SYNE2: variants seen among roughly 807,000 people sequenced by gnomAD.
SYNE2 encodes spectrin repeat containing nuclear envelope protein 2, also known as nesprin-2.
Under a neutral mutation model 856.3 loss-of-function variants are expected in SYNE2, and 431 were observed. The observed-to-expected ratio is 0.50, with a 90% CI of 0.47 to 0.55. The LOEUF is 0.55. SYNE2 is among the 20% of genes least tolerant of loss of function. The probability of loss-of-function intolerance (pLI) is 0.00; values close to 1 mark genes in which losing one functional copy is unlikely to be tolerated. For missense variants in SYNE2, 8,129 were observed against 8,023.2 expected, an observed-to-expected ratio of 1.01 and a Z score of -0.50; for synonymous variants, 2,923 against 2,872.3, an observed-to-expected ratio of 1.02 and a Z score of -0.56.
rs752939734 is a variant in SYNE2, at chr14:64,052,107, A to G, written c.8194A>G (p.Ile2732Val). The change falls in exon 48 of 116, where the codon ATA (isoleucine) becomes GTA (valine). Residue 2732 changes from isoleucine (I) to valine (V), a missense_variant. Physicochemically the swap from Ile to Val is conservative, Grantham distance 29. Coordinates refer to ENST00000555002, the MANE Select transcript of SYNE2 (RefSeq NM_182914.3). ...EAENQIKKCD[I>V]RNKMKETILW... is the part of the protein sequence containing the mutation. ...AGAAAATCAGATTAAGAAGTGTGAC[A>G]TAAGGAACAAGATGAAAGAGACTAT... 14 of 1,614,226 alleles carry G rather than the reference A, an allele frequency of 8.7e-6. No individual in the cohort carries two copies. Among genetic ancestry groups the G allele is most frequent in the East Asian group, 4.5e-5 (2 of 44,890 alleles).
At chr14:64,180,192 G>GT (rs1231971988) in intron 96 of SYNE2, among the ~76,000 whole-genome samples, 1 of 152,162 alleles carries the variant, frequency 6.6e-6, no homozygotes, top group Admixed American at 6.5e-5. Flanking sequence ...CCACTGGTCT[G>GT]TGTATGTCAG....
At chr14:63,950,992 G>C (rs79176689) in intron 7 of SYNE2, among the ~76,000 whole-genome samples, 3,015 of 151,698 alleles carry the variant, frequency 0.02, 113 homozygotes, top group African/African-American at 0.07. Flanking sequence ...GATAATGAAG[G>C]AAAGTTAGTG....
chr14:64,122,333 C>T lies in SYNE2; in HGVS notation c.13328C>T (p.Ser4443Leu), dbSNP rs893273796. 6.2e-7 allele frequency: 1 copy of T among 1,614,198 alleles called. No homozygotes were observed. The highest frequency in any genetic ancestry group is 1.7e-5 in the Admixed American group (1 of 60,024). The change falls in exon 70 of 116, where the codon TCA becomes TTA. Residue 4443 changes from serine (S) to leucine (L), a missense_variant. Coordinates refer to ENST00000555002, the MANE Select transcript of SYNE2 (RefSeq NM_182914.3). ...PENDVPDSIL[S>L]PQGQNGDKWQ... is the part of the protein sequence containing the mutation. ...AATGACGTTCCAGACTCGATCTTGT[C>T]ACCCCAGGGCCAAAATGGAGATAAG...
chr14:63,845,379 G>C (rs1890194174), intron 1 of SYNE2, among the ~76,000 whole-genome samples: 1 of 150,528 alleles, frequency 6.6e-6, no homozygotes, highest in Non-Finnish European at 1.5e-5. Flanking sequence ...TCATGCCATT[G>C]CACTCCAGCC....
At chr14:63,890,906 C>T (rs906340054) in intron 1 of SYNE2, among the ~76,000 whole-genome samples, 2 of 152,186 alleles carry the variant, frequency 1.3e-5, no homozygotes, top group African/African-American at 4.8e-5. Context: ...GTTCCTGTCT[C>T]TAGAAAGCAT....
At chr14:64,019,786 A>C (rs1171375297) in intron 34 of SYNE2, among the ~76,000 whole-genome samples, 2 of 152,192 alleles carry the variant, frequency 1.3e-5, no homozygotes, top group African/African-American at 4.8e-5. Flanking sequence ...CTCTTGTCTT[A>C]TACCTAGAAA....
In SYNE2 at chr14:63,942,035, A is replaced by T. The variant is rs748702795; in HGVS notation, c.316-16A>T. On this transcript the variant is annotated splice_polypyrimidine_tract_variant and intron_variant, in intron 5 of 115. Transcript: ENST00000555002. The stretch of plus-strand genomic sequence containing the variant: ...GGGATATTTCCTCCTTTTAACCTGC[A>T]CTTTTTGTTTTCCAGATTAAGCTAA... 1 of 1,600,988 alleles carries T rather than the reference A, an allele frequency of 6.2e-7. No individual in the cohort carries two copies. The highest frequency in any genetic ancestry group is 8.6e-7 in the Non-Finnish European group (1 of 1,168,922).
chr14:64,188,711 A>G lies in SYNE2; in HGVS notation c.17871+3A>G. ...AAATGATTGAAAAGTTACAGAAGGTAAGGGAGGACACCCAGGTGGATGTAG... is the reference window on the plus strand; with the variant it reads ...AAATGATTGAAAAGTTACAGAAGGTGAGGGAGGACACCCAGGTGGATGTAG... On this transcript the variant is annotated splice_donor_region_variant and intron_variant, in intron 98 of 115. Coordinates refer to ENST00000555002, the MANE Select transcript of SYNE2 (RefSeq NM_182914.3). 1 of 1,614,116 alleles carries G rather than the reference A, an allele frequency of 6.2e-7. No individual in the cohort carries two copies. Among genetic ancestry groups the G allele is most frequent in the Non-Finnish European group, 8.5e-7 (1 of 1,179,994 alleles).
intron 6 of SYNE2, among the ~76,000 whole-genome samples, chr14:63,947,821 GAGTGAAACTCTGTCTAAAAAAA>G (rs2096059916): frequency 6.6e-6 from 1 of 151,750 alleles, no homozygotes; most frequent in South Asian, 2.1e-4. Flanking sequence ...GGGGCAACAA[GAGTGAAACTCTGTCTAAAAAAA>G]AAAGAAAGAA....
rs113782290 is a variant in SYNE2 at position 64,094,178 on chromosome 14, A to G, written c.12108+698A>G. Among the ~76,000 whole-genome samples, 1,081 of 151,694 alleles carry G rather than the reference A, an allele frequency of 7.1e-3. 14 individuals carry two copies. Among genetic ancestry groups the G allele is most frequent in the African/African-American group, 0.021 (873 of 41,396 alleles). On this transcript the variant is annotated intron_variant, in intron 61 of 115. Transcript: ENST00000555002. Reference sequence around the variant, plus strand: ...AAACCCTGTCTCTACTAAAAATACAAAAAAAATTAGCTGGGTGTGTTGGTG... The same window carrying G: ...AAACCCTGTCTCTACTAAAAATACAGAAAAAATTAGCTGGGTGTGTTGGTG...
intron 18 of SYNE2, among the ~76,000 whole-genome samples, chr14:63,985,395 A>G (rs1267170148): frequency 1.3e-5 from 2 of 152,002 alleles, no homozygotes; most frequent in East Asian, 1.9e-4. Flanking sequence ...TAATTTGTCA[A>G]TATATAGTTT....
At chr14:63,803,259 C>G (rs1022870323) in intron 1 of SYNE2, among the ~76,000 whole-genome samples, 2 of 152,248 alleles carry the variant, frequency 1.3e-5, no homozygotes, top group African/African-American at 2.4e-5. Flanking sequence ...CAGCGCGGTG[C>G]GCTCGCACTC....
At chr14:64,068,577 T>G (rs565582667) in intron 51 of SYNE2, among the ~76,000 whole-genome samples, 231 of 152,156 alleles carry the variant, frequency 1.5e-3, no homozygotes, top group African/African-American at 5.2e-3. Flanking sequence ...TAATAAAAAT[T>G]GTGGCCAGGA....
intron 1 of SYNE2, among the ~76,000 whole-genome samples, chr14:63,821,093 A>G (rs1036242599): frequency 6.6e-6 from 1 of 152,030 alleles, no homozygotes. Flanking sequence ...GATTGTACTG[A>G]TGTGGTTTCA....
chr14:64,038,561 C>T (rs1331851789), intron 45 of SYNE2, among the ~76,000 whole-genome samples: 10 of 152,214 alleles, frequency 6.6e-5, no homozygotes, highest in South Asian at 2.1e-4. Flanking sequence ...CATTGAGCAC[C>T]GAGTGAACTA....
intron 1 of SYNE2, among the ~76,000 whole-genome samples, chr14:63,777,103 G>C (rs1217050384): frequency 6.6e-6 from 1 of 152,178 alleles, no homozygotes; most frequent in Admixed American, 6.6e-5. Context: ...TTAAACTACT[G>C]TCTGGGAGGA....
chr14:64,224,489 A>G lies in SYNE2; in HGVS notation c.20411A>G (p.Asp6804Gly), dbSNP rs2098709411. The change falls in exon 114 of 116, where the codon GAC becomes GGC. Residue 6804 changes from aspartate (D) to glycine (G), a missense_variant. By Grantham distance (94) the Asp-to-Gly change is moderately conservative (BLOSUM62 -1). Around this residue, in one of 3 missense-constraint regions of SYNE2, gnomAD observed 5,410 missense variants for 5,284.8 expected, o/e 1.02. Coordinates refer to ENST00000555002, the MANE Select transcript of SYNE2 (RefSeq NM_182914.3). Reference protein sequence around the residue: ...QNPASPLPSFDEVDSGDQPPA... With the variant: ...QNPASPLPSFGEVDSGDQPPA... The stretch of plus-strand genomic sequence containing the variant: ...CCAGCCTCACCCCTGCCCAGCTTCG[A>G]CGAGGTAGACTCGGGGGACCAGCCT... The G allele has an allele frequency of 9.3e-6, 15 of 1,614,028 alleles. No homozygotes were observed. The highest frequency in any genetic ancestry group is 1.3e-5 in the Non-Finnish European group (15 of 1,180,008).
intron 114 of SYNE2, 72 bp downstream of exon 114, chr14:64,224,619 G>A: frequency 1.3e-6 from 2 of 1,562,322 alleles, no homozygotes; most frequent in Non-Finnish European, 8.8e-7. Flanking sequence ...GGGAAGCTTG[G>A]GATTCCAAGA....
In SYNE2 at chr14:64,209,457, A is replaced by C; in HGVS notation, c.18419A>C (p.Lys6140Thr). The change falls in exon 102 of 116, where the codon AAG becomes ACG. Residue 6140 changes from lysine (K) to threonine (T), a missense_variant. Coordinates refer to ENST00000555002, the MANE Select transcript of SYNE2 (RefSeq NM_182914.3). The part of the protein sequence containing the change: ...KIEETWRLWQ[K>T]FLDDYSRFED... ...GAGGAGACGTGGCGCCTGTGGCAGA[A>C]GTTTTTAGACGACTATTCTCGCTTT... 6.2e-7 allele frequency: 1 copy of C among 1,614,254 alleles called. No individual in the cohort carries two copies. Among genetic ancestry groups the C allele is most frequent in the Non-Finnish European group, 8.5e-7 (1 of 1,180,038 alleles).
Sources: gnomAD v4.1 joint callset for allele counts (sites outside exome capture counted in the v4.1 genomes callset) on GRCh38, gnomAD v4.1.1 for gene constraint, gnomAD v4.1.1 regional missense constraint, MANE v1.5 for transcripts, NCBI Gene and HGNC (gene_info 2026-07-23, HGNC 2026-07-21) for gene names.